PLD1: variants seen among roughly 807,000 people sequenced by gnomAD.
PLD1 encodes the protein phospholipase D1.
Under a neutral mutation model 137.1 loss-of-function variants are expected in PLD1, and 112 were observed. The observed-to-expected ratio is 0.82, with a 90% CI of 0.70 to 0.96. The LOEUF (loss-of-function observed/expected upper bound fraction) is 0.96, where lower values mean the gene tolerates loss of function less well. Among genes scored for constraint, PLD1 ranks in the 40% least tolerant of loss-of-function variants. The pLI, the probability that PLD1 is intolerant of heterozygous loss-of-function variation, is 0.00. For synonymous variants in PLD1, 431 were observed against 454.7 expected (o/e 0.95, Z 0.66); for missense variants, 1,321 against 1,342.0 (o/e 0.98, Z 0.24).
At chr3:171,682,444 G>A (rs1229357728) in intron 16 of PLD1, among the ~76,000 whole-genome samples, 11 of 152,226 alleles carry the variant, frequency 7.2e-5, no homozygotes, top group Admixed American at 5.2e-4. Flanking sequence ...GGTCATATGC[G>A]GTCAAGTGAA....
chr3:171,639,655 T>C (rs4568171), intron 23 of PLD1, among the ~76,000 whole-genome samples: 25 of 115,456 alleles, frequency 2.2e-4, no homozygotes, highest in South Asian at 9.0e-4. Context: ...ATATATAATA[T>C]ATATTCATAT....
chr3:171,771,331 C>A (rs1234356712), intron 1 of PLD1: 1 of 152,356 alleles, frequency 6.6e-6, no homozygotes, highest in Admixed American at 6.5e-5. Flanking sequence ...ACGGGCAAAG[C>A]CTTCCTGTTC....
chr3:171,688,570 G>A, intron 14 of PLD1, 106 bp downstream of exon 14: 2 of 902,114 alleles, frequency 2.2e-6, no homozygotes, highest in Non-Finnish European at 3.6e-6. Context: ...TCCCCTCCAA[G>A]GAGACACCAT....
intron 21 of PLD1, among the ~76,000 whole-genome samples, chr3:171,645,425 T>C (rs151198480): frequency 1.2e-3 from 176 of 152,272 alleles, no homozygotes; most frequent in Admixed American, 3.7e-3. Flanking sequence ...GTGGAAATAG[T>C]AGACATTCAG....
At chr3:171,678,420 G>C (rs1467951954) in intron 16 of PLD1, among the ~76,000 whole-genome samples, 1 of 152,150 alleles carries the variant, frequency 6.6e-6, no homozygotes, top group African/African-American at 2.4e-5. Context: ...TTATGATATA[G>C]GTGCAAAAGC....
At chr3:171,805,911 A>G (rs1276131006) in intron 1 of PLD1, among the ~76,000 whole-genome samples, 2 of 152,244 alleles carry the variant, frequency 1.3e-5, no homozygotes, top group Non-Finnish European at 2.9e-5. Flanking sequence ...TCAGTGGCTC[A>G]TGCCTGTGAA....
chr3:171,706,772 G>A (rs1476288875), intron 11 of PLD1, among the ~76,000 whole-genome samples: 1 of 152,148 alleles, frequency 6.6e-6, no homozygotes, highest in African/African-American at 2.4e-5. Context: ...TTACTGTGAA[G>A]GTTTTATTTC....
chr3:171,645,700 C>T (rs966348318), intron 21 of PLD1, among the ~76,000 whole-genome samples: 5 of 151,730 alleles, frequency 3.3e-5, no homozygotes, highest in African/African-American at 9.7e-5. Flanking sequence ...CTGGCTAACA[C>T]GGTGAAACCC....
chr3:171,720,497 G>C (rs778980406), intron 8 of PLD1, among the ~76,000 whole-genome samples: 3 of 151,414 alleles, frequency 2.0e-5, no homozygotes, highest in African/African-American at 4.9e-5. Context: ...GCAGGAGAAC[G>C]GCATGAATCT....
intron 23 of PLD1, among the ~76,000 whole-genome samples, chr3:171,632,569 T>C (rs1195879608): frequency 6.6e-6 from 1 of 152,070 alleles, no homozygotes; most frequent in African/African-American, 2.4e-5. Flanking sequence ...TGGCTGCAAC[T>C]TATTCCAAAA....
intron 1 of PLD1, among the ~76,000 whole-genome samples, chr3:171,760,484 T>G (rs1471018527): frequency 1.3e-5 from 2 of 152,228 alleles, no homozygotes; most frequent in Non-Finnish European, 2.9e-5. Flanking sequence ...GTTACTGTCA[T>G]GAGACATCCT....
At chr3:171,687,642 CT>C in intron 14 of PLD1, 58 bp from the exon 15 acceptor site, 1 of 1,072,738 alleles carries the variant, frequency 9.3e-7, no homozygotes, top group Non-Finnish European at 1.4e-6. Context: ...CAGTGTGGTT[CT>C]TTAATTCAAG....
chr3:171,625,999 G>A (rs1489814047), intron 23 of PLD1, among the ~76,000 whole-genome samples: 6 of 152,340 alleles, frequency 3.9e-5, no homozygotes, highest in South Asian at 2.1e-4. Flanking sequence ...AAAGCTGGAC[G>A]GAGAATGACT....
intron 9 of PLD1, among the ~76,000 whole-genome samples, chr3:171,711,116 GCCTCGGCCTCC>G (rs1347678491): frequency 1.3e-5 from 2 of 148,966 alleles, no homozygotes; most frequent in Non-Finnish European, 3.0e-5. Context: ...GGATCGGCCT[GCCTCGGCCTCC>G]CAAAGTGCTG....
At chr3:171,723,439 T>C (rs776497661) in intron 8 of PLD1, among the ~76,000 whole-genome samples, 21 of 152,220 alleles carry the variant, frequency 1.4e-4, no homozygotes, top group Non-Finnish European at 1.6e-4. Flanking sequence ...CAGATGGAAG[T>C]GCAGATATAT....
intron 1 of PLD1, among the ~76,000 whole-genome samples, chr3:171,770,342 C>G (rs73176175): frequency 0.022 from 3,396 of 152,202 alleles, 82 homozygotes; most frequent in Non-Finnish European, 0.029. Flanking sequence ...TGAGGCATTC[C>G]AGAAAAGTGC....
At chr3:171,781,972 G>A (rs527936677) in intron 1 of PLD1, among the ~76,000 whole-genome samples, 12 of 152,144 alleles carry the variant, frequency 7.9e-5, no homozygotes, top group Non-Finnish European at 1.2e-4. Flanking sequence ...GCATCCACCC[G>A]TAGAAAAATG....
At chr3:171,724,594 C>T in intron 8 of PLD1, 102 bp downstream of exon 8, 1 of 693,500 alleles carries the variant, frequency 1.4e-6, no homozygotes. Flanking sequence ...TTTGTTCTGC[C>T]ATTGCTTTTA....
chr3:171,659,290 GA>G lies in PLD1; in HGVS notation c.2351del (p.Phe784SerfsTer2). On this transcript the variant is annotated frameshift_variant, in exon 21 of 27. Coordinates refer to ENST00000351298, the MANE Select transcript of PLD1 (RefSeq NM_002662.5). LOFTEE classifies it high-confidence loss of function. ...CAACTTTGTCATCAGCACAGCTTAT[GA>G]AAAACTGGTTCTATGAGAAATAAAC... ...RHYIYIENQF[F>X]ISCADDKVVF... 6.2e-7 allele frequency: 1 copy of G among 1,608,792 alleles called. No individual in the cohort carries two copies.
Sources: gnomAD v4.1 joint callset for allele counts (sites outside exome capture counted in the v4.1 genomes callset) on GRCh38, gnomAD v4.1.1 for gene constraint, MANE v1.5 for transcripts, NCBI Gene and HGNC (gene_info 2026-07-23, HGNC 2026-07-21) for gene names.